Variants in MTX2 observed in about 807,000 individuals in gnomAD.
MTX2 encodes the protein metaxin 2, also known as metaxin-2.
A neutral mutation model predicts 42.3 loss-of-function variants in MTX2; 35 were observed. The observed-to-expected ratio is 0.83, with a 90% CI of 0.63 to 1.10. The LOEUF is 1.10. Ranked by LOEUF, MTX2 falls within the 50% of genes least tolerant of loss-of-function variation. The pLI is 0.00. For missense variants in MTX2, 307 were observed against 304.1 expected, an observed-to-expected ratio of 1.01 and a Z score of -0.07; for synonymous variants, 119 against 100.9, an observed-to-expected ratio of 1.18 and a Z score of -1.08.
At chr2:176,298,276 A>T (rs958235950) in intron 3 of MTX2, among the ~76,000 whole-genome samples, 2 of 152,038 alleles carry the variant, frequency 1.3e-5, no homozygotes, top group Non-Finnish European at 2.9e-5. Flanking sequence ...TATTTATCAC[A>T]TATTTTTAAG....
At position 176,292,884 on chromosome 2, in the gene MTX2, A is replaced by G. The variant is rs546939426; in HGVS notation, c.41-3976A>G. ...TTAATTGGGTTCTTATTGAAATTTTACTTTGTTAAAAGTTGACAGCAAAAT... is the reference window on the plus strand; with the variant it reads ...TTAATTGGGTTCTTATTGAAATTTTGCTTTGTTAAAAGTTGACAGCAAAAT... On this transcript the variant is annotated intron_variant, in intron 1 of 9. Transcript: ENST00000249442. 9.2e-5 allele frequency among the ~76,000 whole-genome samples: 14 copies of G among 152,284 alleles called. No individual in the cohort carries two copies. The East Asian group carries it at 2.7e-3, about 29-fold the overall frequency.
chr2:176,307,707 G>T (rs942126172), intron 3 of MTX2, among the ~76,000 whole-genome samples: 3 of 152,110 alleles, frequency 2.0e-5, no homozygotes, highest in African/African-American at 7.2e-5. Flanking sequence ...CTGTTTGTCT[G>T]TTAATGGTGT....
At chr2:176,321,912 C>G (rs138779795) in intron 3 of MTX2, among the ~76,000 whole-genome samples, 50 of 151,656 alleles carry the variant, frequency 3.3e-4, no homozygotes, top group African/African-American at 1.2e-3. Flanking sequence ...AACAATATTG[C>G]TTATTATAAG....
At chr2:176,322,480 C>T (rs527873539) in intron 3 of MTX2, among the ~76,000 whole-genome samples, 10 of 151,980 alleles carry the variant, frequency 6.6e-5, no homozygotes, top group Non-Finnish European at 1.5e-4. Flanking sequence ...ATGACCTCCC[C>T]AATTGAATAA....
chr2:176,294,212 TC>T (rs1683786558), intron 1 of MTX2, among the ~76,000 whole-genome samples: 1 of 152,146 alleles, frequency 6.6e-6, no homozygotes, highest in Non-Finnish European at 1.5e-5. Context: ...TTGCAAACTT[TC>T]TATTACTTTC....
At chr2:176,320,511 C>T (rs1158307875) in intron 3 of MTX2, among the ~76,000 whole-genome samples, 1 of 152,040 alleles carries the variant, frequency 6.6e-6, no homozygotes, top group African/African-American at 2.4e-5. Context: ...TTTTCATTCT[C>T]AGCAAAAGAT....
chr2:176,335,060 A>G (rs747586473), intron 9 of MTX2, among the ~76,000 whole-genome samples: 5 of 151,788 alleles, frequency 3.3e-5, no homozygotes, highest in Non-Finnish European at 5.9e-5. Flanking sequence ...AAAAAATTAT[A>G]TGGTATTAAT....
At chr2:176,278,950 G>T (rs951097973) in intron 1 of MTX2, among the ~76,000 whole-genome samples, 3 of 152,006 alleles carry the variant, frequency 2.0e-5, no homozygotes, top group Non-Finnish European at 4.4e-5. Flanking sequence ...TTATGGTTTT[G>T]AACTTTTTTA....
intron 4 of MTX2, among the ~76,000 whole-genome samples, chr2:176,326,322 A>G (rs1684703929): frequency 6.6e-6 from 1 of 151,734 alleles, no homozygotes; most frequent in Non-Finnish European, 1.5e-5. Flanking sequence ...AAAGAGATTT[A>G]TTGATATACA....
intron 1 of MTX2, among the ~76,000 whole-genome samples, chr2:176,285,133 G>A (rs1693164716): frequency 6.6e-6 from 1 of 152,200 alleles, no homozygotes; most frequent in South Asian, 2.1e-4. Flanking sequence ...CACTACTTGG[G>A]TTCAAATCCT....
chr2:176,291,701 G>A (rs973922316), intron 1 of MTX2, among the ~76,000 whole-genome samples: 3 of 152,038 alleles, frequency 2.0e-5, no homozygotes, highest in African/African-American at 7.2e-5. Flanking sequence ...CCAAGCAGGG[G>A]GCCCTTCCAA....
intron 8 of MTX2, among the ~76,000 whole-genome samples, 193 bp from the exon 9 acceptor site, chr2:176,330,391 T>C (rs529305458): frequency 6.7e-6 from 1 of 149,692 alleles, no homozygotes; most frequent in African/African-American, 2.4e-5. Context: ...ATATAGAAAG[T>C]ATTTCTTATA....
intron 1 of MTX2, among the ~76,000 whole-genome samples, chr2:176,286,302 C>T (rs1200400882): frequency 6.6e-6 from 1 of 152,104 alleles, no homozygotes; most frequent in Non-Finnish European, 1.5e-5. Context: ...TAATTGCTGT[C>T]GTTATCATAA....
At chr2:176,291,629 A>C (rs1230447795) in intron 1 of MTX2, among the ~76,000 whole-genome samples, 1 of 152,272 alleles carries the variant, frequency 6.6e-6, no homozygotes, top group East Asian at 1.9e-4. Context: ...TTTAAGGCCC[A>C]GTGCAACATG....
At chr2:176,319,865 A>G (rs897737544) in intron 3 of MTX2, among the ~76,000 whole-genome samples, 1 of 151,944 alleles carries the variant, frequency 6.6e-6, no homozygotes, top group African/African-American at 2.4e-5. Flanking sequence ...TGAGCCAAAA[A>G]TTTTTAAAAA....
chr2:176,328,769 A>C (rs1417278087), intron 6 of MTX2, 105 bp from the exon 7 acceptor site: 1 of 1,028,664 alleles, frequency 9.7e-7, no homozygotes, highest in African/African-American at 1.6e-5. Flanking sequence ...TACATGTGTG[A>C]CTTATGAAAT....
rs555929823 is a variant in MTX2, at chr2:176,325,546, C to A, written c.209-1279C>A. On this transcript the variant is annotated intron_variant, in intron 4 of 9. Transcript: ENST00000249442. ...TTAAGAAAAGAAAAAAAATACAAAC[C>A]CTTTTTTCCAAGAACCTGAAACTGG... Among the ~76,000 whole-genome samples, 3 of 151,664 alleles carry A rather than the reference C, an allele frequency of 2.0e-5. No homozygotes were observed. The South Asian group carries it at 6.2e-4, about 32-fold the overall frequency.
At chr2:176,325,832 A>G (rs1256116745) in intron 4 of MTX2, among the ~76,000 whole-genome samples, 1 of 151,806 alleles carries the variant, frequency 6.6e-6, no homozygotes. Context: ...ACAGGGAAAT[A>G]TCTTCTCAAT....
Position 176,337,566 on chromosome 2 carries a change from C to G in MTX2, c.694C>G (p.Leu232Val). The change falls in exon 10 of 10, where the codon CTT becomes GTT. Residue 232 changes from leucine (L) to valine (V), a missense_variant. Coordinates refer to ENST00000249442, the MANE Select transcript of MTX2 (RefSeq NM_006554.5). ...ILTTQLTNDE[L>V]SEKVKNYSNL... ...TACCACACAATTGACAAATGATGAA[C>G]TTTCTGAGAAGGTGAAAAACTATAG... is the stretch of plus-strand genomic sequence containing the variant. 1 of 1,613,362 alleles carries G rather than the reference C, an allele frequency of 6.2e-7. No homozygotes were observed. The highest frequency in any genetic ancestry group is 8.5e-7 in the Non-Finnish European group (1 of 1,179,504).
Sources: allele counts gnomAD v4.1 joint callset (sites outside exome capture counted in the v4.1 genomes callset), GRCh38; gene constraint gnomAD v4.1.1; transcripts MANE v1.5; gene names NCBI Gene and HGNC (gene_info 2026-07-23, HGNC 2026-07-21).